Variants in AJAP1 observed in about 807,000 individuals in gnomAD.
AJAP1 encodes the protein adherens junction-associated protein 1.
AJAP1 carries 5 observed loss-of-function variants against 35.0 expected under a neutral mutation model. The ratio of observed to expected loss-of-function variants is 0.14; its 90% CI spans 0.07 to 0.30. The LOEUF (loss-of-function observed/expected upper bound fraction) is 0.30, where lower values mean the gene tolerates loss of function less well. Among genes scored for constraint, AJAP1 ranks in the 10% least tolerant of loss-of-function variants. AJAP1 has a pLI of 1.00. For missense variants in AJAP1, 586 were observed against 571.0 expected, an observed-to-expected ratio of 1.03 and a Z score of -0.27; for synonymous variants, 284 against 249.3, an observed-to-expected ratio of 1.14 and a Z score of -1.31.
At chr1:4,701,167 C>T (rs148499253) in intron 1 of AJAP1, among the ~76,000 whole-genome samples, 86 of 152,320 alleles carry the variant, frequency 5.6e-4, no homozygotes, top group African/African-American at 1.9e-3. Flanking sequence ...CTGCAGACTC[C>T]GTGCTCCAGA....
At position 4,772,280 on chromosome 1, in the gene AJAP1, C is replaced by T. The variant is rs961868772; in HGVS notation, c.918C>T (p.Cys306=). The T allele has an allele frequency of 1.9e-6, 3 of 1,614,108 alleles. No individual in the cohort carries two copies. The highest frequency in any genetic ancestry group is 2.5e-6 in the Non-Finnish European group (3 of 1,179,998). ...CTACCCCAAACTCTTTCTCTTCCAG[C>T]TGTGCCCAAAGCGGGAACACTCGTC... ...ALITTLVLKN[C]CAQSGNTRRN... Residue 306 remains cysteine (C), a splice_region_variant and synonymous_variant, in exon 4 of 6, where the codon TGC becomes TGT. Transcript: ENST00000378191.
intron 2 of AJAP1, among the ~76,000 whole-genome samples, chr1:4,761,753 T>C (rs376680460): frequency 3.0e-3 from 455 of 152,298 alleles, no homozygotes; most frequent in African/African-American, 0.01. Flanking sequence ...TGGAGTCCGA[T>C]GTTTGAGGGC....
At chr1:4,742,755 C>A (rs1422038327) in intron 2 of AJAP1, among the ~76,000 whole-genome samples, 4 of 152,158 alleles carry the variant, frequency 2.6e-5, no homozygotes, top group African/African-American at 9.7e-5. Context: ...GAAACACAAC[C>A]GTTCCCCCAC....
At chr1:4,686,137 G>T (rs1639599327) in intron 1 of AJAP1, among the ~76,000 whole-genome samples, 1 of 152,156 alleles carries the variant, frequency 6.6e-6, no homozygotes, top group Admixed American at 6.5e-5. Flanking sequence ...AAAATGACGT[G>T]GCCTCATCCT....
intron 5 of AJAP1, 54 bp downstream of exon 5, chr1:4,774,612 A>C: frequency 1.0e-6 from 1 of 1,002,432 alleles, no homozygotes; most frequent in Non-Finnish European, 1.5e-6. Context: ...TCCCCTCCCC[A>C]CTGCCCTCCC....
chr1:4,751,047 C>T (rs767121214), intron 2 of AJAP1, among the ~76,000 whole-genome samples: 10 of 151,822 alleles, frequency 6.6e-5, no homozygotes, highest in South Asian at 2.1e-4. Flanking sequence ...CAGGCCATGA[C>T]GGGAACCATC....
Position 4,787,865 on chromosome 1 carries a change from C to G in AJAP1, c.*5380C>G. 2.4e-6 allele frequency: 1 copy of G among 425,428 alleles called. No individual in the cohort carries two copies. The highest frequency in any genetic ancestry group is 4.8e-6 in the Non-Finnish European group (1 of 209,052). The allele number at this position is 425,428 out of a possible 1,614,324, so 26.4% of individuals were successfully genotyped here. ...CTCCAGAAGCTCCCCCAGCACTGAG[C>G]TCACTTAGTGGCATCCTTCTTAAAC... On this transcript the variant is annotated 3_prime_UTR_variant, in exon 6 of 6. Coordinates refer to ENST00000378191, the MANE Select transcript of AJAP1 (RefSeq NM_018836.4).
At chr1:4,712,934 G>A (rs11582637) in intron 2 of AJAP1, among the ~76,000 whole-genome samples, 22 of 152,282 alleles carry the variant, frequency 1.4e-4, no homozygotes, top group Non-Finnish European at 2.4e-4. Flanking sequence ...CCTAGAAGTG[G>A]GCGCTGCACC....
chr1:4,742,217 C>G (rs1439656194), intron 2 of AJAP1, among the ~76,000 whole-genome samples: 2 of 115,686 alleles, frequency 1.7e-5, no homozygotes, highest in South Asian at 3.0e-4. Context: ...GCACCTCTGC[C>G]CCCTAGTGAT....
At chr1:4,781,479 A>G (rs1642062488) in intron 5 of AJAP1, among the ~76,000 whole-genome samples, 1 of 152,180 alleles carries the variant, frequency 6.6e-6, no homozygotes, top group African/African-American at 2.4e-5. Context: ...GCCGCATGCT[A>G]TGCATGCAGC....
chr1:4,757,273 CA>C (rs1305856273), intron 2 of AJAP1, among the ~76,000 whole-genome samples: 1 of 152,222 alleles, frequency 6.6e-6, no homozygotes, highest in Non-Finnish European at 1.5e-5. Flanking sequence ...GCACCAGACC[CA>C]GGGGCATGCA....
intron 1 of AJAP1, among the ~76,000 whole-genome samples, chr1:4,706,685 A>C (rs970565353): frequency 6.6e-6 from 1 of 152,158 alleles, no homozygotes; most frequent in Non-Finnish European, 1.5e-5. Flanking sequence ...CTCACGCCGC[A>C]CACTCCCGGC....
chr1:4,678,968 A>G (rs912293508), intron 1 of AJAP1, among the ~76,000 whole-genome samples: 3 of 152,244 alleles, frequency 2.0e-5, no homozygotes, highest in Non-Finnish European at 4.4e-5. Flanking sequence ...GACAATTCCC[A>G]GAGATGTTCA....
rs6662336 is a variant in AJAP1 at position 4,723,000 on chromosome 1, C to T, written c.829+10301C>T. ...AGTGGTGTGATCTGAGCCGGAGGTA[C>T]TGGCTGCTCTCTGAGGGCATTCTAG... On this transcript the variant is annotated intron_variant, in intron 2 of 5. Coordinates refer to ENST00000378191, the MANE Select transcript of AJAP1 (RefSeq NM_018836.4). 7.7e-3 allele frequency among the ~76,000 whole-genome samples: 1,167 copies of T among 152,186 alleles called. 11 individuals are homozygous for T. Among genetic ancestry groups the T allele is most frequent in the Non-Finnish European group, 0.012 (814 of 68,020 alleles).
chr1:4,678,938 C>T (rs1243928138), intron 1 of AJAP1, among the ~76,000 whole-genome samples: 2 of 152,228 alleles, frequency 1.3e-5, no homozygotes, highest in African/African-American at 4.8e-5. Flanking sequence ...TATCCTAATC[C>T]TCATTGCACA....
intron 2 of AJAP1, among the ~76,000 whole-genome samples, chr1:4,732,086 G>A (rs887405037): frequency 1.3e-5 from 2 of 152,266 alleles, no homozygotes; most frequent in Admixed American, 6.5e-5. Flanking sequence ...GAGGCTGCAT[G>A]GGGAGGTACA....
chr1:4,702,093 C>T (rs1640001498), intron 1 of AJAP1, among the ~76,000 whole-genome samples: 1 of 151,880 alleles, frequency 6.6e-6, no homozygotes, highest in Non-Finnish European at 1.5e-5. Flanking sequence ...CTCATGTGTC[C>T]CCAGTATTCT....
intron 2 of AJAP1, among the ~76,000 whole-genome samples, chr1:4,718,122 T>A (rs1640437114): frequency 6.6e-6 from 1 of 151,998 alleles, no homozygotes; most frequent in South Asian, 2.1e-4. Flanking sequence ...TGGCAAATCC[T>A]GAGTGCCGTG....
chr1:4,724,986 C>T (rs1640615306), intron 2 of AJAP1, among the ~76,000 whole-genome samples: 1 of 152,204 alleles, frequency 6.6e-6, no homozygotes, highest in Admixed American at 6.5e-5. Flanking sequence ...GCTGGCTTGG[C>T]CCAGGGCTAG....
Sources: gnomAD v4.1 joint callset for allele counts (sites outside exome capture counted in the v4.1 genomes callset) on GRCh38, gnomAD v4.1.1 for gene constraint, MANE v1.5 for transcripts, NCBI Gene and HGNC (gene_info 2026-07-23, HGNC 2026-07-21) for gene names.